The following DNAH17 variants were observed in gnomAD, a reference collection of about 807,000 sequenced individuals.
The protein encoded by DNAH17 is axonemal beta dynein heavy chain 17.
Under a neutral mutation model 485.6 loss-of-function variants are expected in DNAH17, and 376 were observed. That is an observed-to-expected ratio of 0.77 (90% CI 0.71 to 0.84). The LOEUF (loss-of-function observed/expected upper bound fraction) is 0.84, where lower values mean the gene tolerates loss of function less well. DNAH17 is among the 40% of genes least tolerant of loss of function. The pLI, the probability that DNAH17 is intolerant of heterozygous loss-of-function variation, is 0.00. For missense variants in DNAH17, 6,370 were observed against 5,839.3 expected (o/e 1.09, Z -2.96); for synonymous variants, 3,031 against 2,405.9 (o/e 1.26, Z -7.60).
Position 78,530,526 on chromosome 17 carries a change from C to T in DNAH17, c.3115-14G>A. Reference sequence around the variant, plus strand: ...GTAGGAGTCGATCTGGAAAACACGGCCACCGGCGGCCTGTCATAGCCTGCA... The same window carrying T: ...GTAGGAGTCGATCTGGAAAACACGGTCACCGGCGGCCTGTCATAGCCTGCA... On this transcript the variant is annotated splice_polypyrimidine_tract_variant and intron_variant, in intron 20 of 80. Transcript: ENST00000389840. 1.3e-6 allele frequency: 2 copies of T among 1,594,048 alleles called. No homozygotes were observed. The highest frequency in any genetic ancestry group is 1.7e-4 in the Middle Eastern group (1 of 5,984).
chr17:78,495,133 A>G (rs373148725), intron 38 of DNAH17, 36 bp from the exon 39 acceptor site: 11 of 1,552,534 alleles, frequency 7.1e-6, no homozygotes, highest in Non-Finnish European at 2.6e-6. Context: ...GCTTCTGCCC[A>G]CTCCCTCCCC....
intron 63 of DNAH17, among the ~76,000 whole-genome samples, chr17:78,455,391 T>A (rs2087747801): frequency 6.6e-6 from 1 of 151,776 alleles, no homozygotes; most frequent in Non-Finnish European, 1.5e-5. Context: ...AGTAGTGTGA[T>A]CTCTGCTCAC....
chr17:78,473,499 G>A (rs2088864710), intron 54 of DNAH17, among the ~76,000 whole-genome samples: 2 of 142,948 alleles, frequency 1.4e-5, no homozygotes, highest in African/African-American at 2.7e-5. Context: ...AGCTGAGATC[G>A]CGCCACTGCA....
intron 14 of DNAH17, among the ~76,000 whole-genome samples, chr17:78,554,708 G>C (rs2091982955): frequency 6.6e-6 from 1 of 152,054 alleles, no homozygotes; most frequent in South Asian, 2.1e-4. Flanking sequence ...ATACACACTA[G>C]ATGCTGATTT....
At chr17:78,455,549 A>T (rs1405617309) in intron 63 of DNAH17, 95 bp downstream of exon 63, 2 of 914,412 alleles carry the variant, frequency 2.2e-6, no homozygotes, top group Non-Finnish European at 1.5e-6. Context: ...CTGCTCATGA[A>T]CTCCTGGCCT....
At chr17:78,495,587 A>G (rs1364192483) in intron 38 of DNAH17, among the ~76,000 whole-genome samples, 1 of 151,834 alleles carries the variant, frequency 6.6e-6, no homozygotes. Context: ...ACAGGCATGC[A>G]CCACCACACC....
At chr17:78,541,267 G>GT (rs1229409308) in intron 17 of DNAH17, among the ~76,000 whole-genome samples, 3 of 49,364 alleles carry the variant, frequency 6.1e-5, no homozygotes, top group African/African-American at 2.9e-4. Context: ...GGGTGGGGGG[G>GT]TGGGGGGTAA....
At position 78,423,775 on chromosome 17, in the gene DNAH17, C is replaced by T. The variant is rs971975444; in HGVS notation, c.*131G>A. Reference sequence around the variant, plus strand: ...CCTCTGGTTCCGATGTGCTTGGTTACAAAGCACCTGATTATTTAAGAGAAC... The same window carrying T: ...CCTCTGGTTCCGATGTGCTTGGTTATAAAGCACCTGATTATTTAAGAGAAC... On this transcript the variant is annotated 3_prime_UTR_variant, in exon 81 of 81. Transcript: ENST00000389840. 8.0e-6 allele frequency: 10 copies of T among 1,254,962 alleles called. No individual in the cohort carries two copies. In the Admixed American group the frequency reaches 1.0e-4, roughly 13 times the overall value. 77.7% of individuals were successfully genotyped at this position (1,254,962 alleles called of 1,614,324 possible).
rs75581344 is a variant in DNAH17 at position 78,570,893 on chromosome 17, A to T, written c.918+55T>A. ...AAAAAAAAAAAGAAAAAAGAAAAGA[A>T]AAGAAAAGAAACAAGACCCTCCCCA... is the stretch of plus-strand genomic sequence containing the variant. On this transcript the variant is annotated intron_variant, in intron 6 of 80. Transcript: ENST00000389840. 17,340 of 977,204 alleles carry T rather than the reference A, an allele frequency of 0.018. 484 individuals are homozygous for T. Among genetic ancestry groups the T allele is most frequent in the African/African-American group, 0.1 (5,703 of 56,330 alleles). The allele number at this position is 977,204 out of a possible 1,614,324, so 60.5% of individuals were successfully genotyped here.
At chr17:78,506,950 G>A in intron 29 of DNAH17, 104 bp from the exon 30 acceptor site, 3 of 1,489,800 alleles carry the variant, frequency 2.0e-6, no homozygotes, top group Non-Finnish European at 2.8e-6. Context: ...GGAGATGCCT[G>A]GACTGCTGTT....
intron 11 of DNAH17, among the ~76,000 whole-genome samples, chr17:78,563,913 T>TC (rs2092213272): frequency 6.6e-6 from 1 of 151,952 alleles, no homozygotes; most frequent in Non-Finnish European, 1.5e-5. Flanking sequence ...TCCCCCTGCC[T>TC]CCCTCCCCTC....
Position 78,459,676 on chromosome 17 carries a change from G to C in DNAH17, c.9653+108C>G. On this transcript the variant is annotated intron_variant, in intron 60 of 80. Coordinates refer to ENST00000389840, the MANE Select transcript of DNAH17 (RefSeq NM_173628.4). ...ATGGGGAAGGGGCTGCCTAGATTTT[G>C]AGCCACAGGCCCCAAGAGCCTGAGG... is the stretch of plus-strand genomic sequence containing the variant. The C allele has an allele frequency of 2.4e-6, 3 of 1,246,556 alleles. 1 individual carries two copies. The South Asian group carries it at 4.0e-5, about 17-fold the overall frequency. 77.2% of individuals were successfully genotyped at this position (1,246,556 alleles called of 1,614,324 possible).
rs545759547 is a variant in DNAH17, at chr17:78,479,082, G to A, written c.7935C>T (p.Pro2645=). The A allele has an allele frequency of 1.2e-6, 2 of 1,613,874 alleles. No individual in the cohort carries two copies. The highest frequency in any genetic ancestry group is 8.5e-7 in the Non-Finnish European group (1 of 1,179,900). The change falls in exon 51 of 81, where the codon CCC becomes CCT. Residue 2645 remains proline, a synonymous_variant. Coordinates refer to ENST00000389840, the MANE Select transcript of DNAH17 (RefSeq NM_173628.4). ...AGACATAATGAAACTTAATGGCCGT[G>A]GGAAGAAATGTTGCCGTGATTTTCT... ...LHQKITATFL[P]TAIKFHYVFN...
At chr17:78,524,932 G>C (rs1482517757) in intron 25 of DNAH17, 77 bp downstream of exon 25, 9 of 1,533,398 alleles carry the variant, frequency 5.9e-6, no homozygotes, top group Non-Finnish European at 7.9e-6. Flanking sequence ...AGGGTGCCCA[G>C]AGCCTGCCCT....
intron 65 of DNAH17, 151 bp downstream of exon 65, chr17:78,453,192 T>C: frequency 1.0e-6 from 1 of 988,406 alleles, no homozygotes; most frequent in Non-Finnish European, 1.5e-6. Flanking sequence ...GAGCTGGGGG[T>C]TCCTTCCCAC....
In DNAH17 at chr17:78,450,810, C is replaced by A; in HGVS notation, c.10771G>T (p.Val3591Phe). 6.2e-7 allele frequency: 1 copy of A among 1,614,030 alleles called. No individual in the cohort carries two copies. The highest frequency in any genetic ancestry group is 8.5e-7 in the Non-Finnish European group (1 of 1,179,898). ...LTKSQNEFKI[V>F]LKELEDSLLA... is the part of the protein sequence containing the mutation. ...AGCGAATCTTCCAGCTCTTTCAGAACAATCTTAAATTCGTTTTGAGACTTG... is the reference window on the plus strand; with the variant it reads ...AGCGAATCTTCCAGCTCTTTCAGAAAAATCTTAAATTCGTTTTGAGACTTG... The change falls in exon 67 of 81, where the codon GTT becomes TTT. Residue 3591 changes from valine (V) to phenylalanine (F), a missense_variant. Coordinates refer to ENST00000389840, the MANE Select transcript of DNAH17 (RefSeq NM_173628.4).
intron 14 of DNAH17, 44 bp downstream of exon 14, chr17:78,558,064 C>T (rs1266445068): frequency 6.4e-6 from 10 of 1,560,778 alleles, no homozygotes; most frequent in South Asian, 4.8e-5. Flanking sequence ...AAAACCAAAA[C>T]AATACAAAGC....
At chr17:78,440,552 C>G (rs574147876) in intron 72 of DNAH17, among the ~76,000 whole-genome samples, 1 of 152,140 alleles carries the variant, frequency 6.6e-6, no homozygotes, top group East Asian at 1.9e-4. Flanking sequence ...AGCTACCGCC[C>G]CCGGCCTGCT....
chr17:78,544,824 A>AAAAAAAAAAAAAAAAAAAAAAAT (rs2091711195), intron 16 of DNAH17, among the ~76,000 whole-genome samples: 2 of 146,978 alleles, frequency 1.4e-5, no homozygotes. Flanking sequence ...AAAAAAAAAA[A>AAAAAAAAAAAAAAAAAAAAAAAT]GGTGGGGGTG....
Sources: gnomAD v4.1 joint callset for allele counts (sites outside exome capture counted in the v4.1 genomes callset) on GRCh38, gnomAD v4.1.1 for gene constraint, MANE v1.5 for transcripts, NCBI Gene and HGNC (gene_info 2026-07-23, HGNC 2026-07-21) for gene names.